FRMD4A: variants seen among roughly 807,000 people sequenced by gnomAD.
FRMD4A encodes FERM domain containing 4A.
In FRMD4A, 29 loss-of-function variants were observed where a neutral mutation model predicts 129.1. The observed-to-expected ratio is 0.22, with a 90% CI of 0.17 to 0.31. The LOEUF is 0.31. Among genes scored for constraint, FRMD4A ranks in the 10% least tolerant of loss-of-function variants. The probability of loss-of-function intolerance (pLI) is 1.00; values close to 1 mark genes in which losing one functional copy is unlikely to be tolerated. For missense variants in FRMD4A, 1,272 were observed against 1,375.8 expected, an observed-to-expected ratio of 0.92 and a Z score of 1.19; for synonymous variants, 634 against 571.6, an observed-to-expected ratio of 1.11 and a Z score of -1.56.
intron 2 of FRMD4A, among the ~76,000 whole-genome samples, chr10:14,270,690 T>C (rs1459498933): frequency 6.6e-6 from 1 of 152,212 alleles, no homozygotes; most frequent in African/African-American, 2.4e-5. Flanking sequence ...ACCCTGTGAA[T>C]AGGCTCTTGG....
intron 2 of FRMD4A, among the ~76,000 whole-genome samples, chr10:14,107,899 A>C (rs753767774): frequency 3.9e-5 from 6 of 152,228 alleles, no homozygotes; most frequent in Admixed American, 6.5e-5. Context: ...TATGATAAAT[A>C]ATGCTGCAAA....
intron 2 of FRMD4A, among the ~76,000 whole-genome samples, chr10:14,029,165 A>G (rs190965843): frequency 6.6e-6 from 1 of 152,176 alleles, no homozygotes; most frequent in East Asian, 1.9e-4. Flanking sequence ...TGAACCTCAG[A>G]TGATCATCTC....
At chr10:14,111,945 A>AAGGG (rs1554761667) in intron 2 of FRMD4A, among the ~76,000 whole-genome samples, 5 of 131,190 alleles carry the variant, frequency 3.8e-5, no homozygotes, top group East Asian at 2.4e-4. Flanking sequence ...GGAAGGAAGG[A>AAGGG]AGGGAGGGAG....
In FRMD4A at chr10:13,644,532, C is replaced by G. The variant is rs1040615236; in HGVS notation, c.*2506G>C. 3.3e-5 allele frequency: 5 copies of G among 152,298 alleles called. No individual in the cohort carries two copies. The highest frequency in any genetic ancestry group is 1.2e-4 in the African/African-American group (5 of 41,554). 9.4% of individuals were successfully genotyped at this position (152,298 alleles called of 1,614,324 possible). ...CCTGCTCTCCATTTCTCTCTGTCCC[C>G]CAAGTTGAAAATATAACCCAAATCT... is the stretch of plus-strand genomic sequence containing the variant. On this transcript the variant is annotated 3_prime_UTR_variant, in exon 25 of 25. Coordinates refer to ENST00000357447, the MANE Select transcript of FRMD4A (RefSeq NM_018027.5).
chr10:14,249,432 G>C (rs1844359319), intron 2 of FRMD4A, among the ~76,000 whole-genome samples: 1 of 152,028 alleles, frequency 6.6e-6, no homozygotes, highest in Non-Finnish European at 1.5e-5. Flanking sequence ...GTGAAATGAA[G>C]CTGGGGCCAG....
chr10:13,891,563 G>C (rs1159074596), intron 2 of FRMD4A: 3 of 979,424 alleles, frequency 3.1e-6, no homozygotes, highest in Non-Finnish European at 3.6e-6. Context: ...AAACACGGAA[G>C]GCGAAGGGCT....
Position 13,713,701 on chromosome 10 carries a change from TGC to T in FRMD4A, c.760-6590_760-6589del, listed in dbSNP as rs1417516679. 4.6e-5 allele frequency among the ~76,000 whole-genome samples: 7 copies of T among 150,768 alleles called. No homozygotes were observed. The East Asian group carries it at 1.4e-3, about 29-fold the overall frequency. On this transcript the variant is annotated intron_variant, in intron 12 of 24. Coordinates refer to ENST00000357447, the MANE Select transcript of FRMD4A (RefSeq NM_018027.5). ...TGCTCTCAGAGGACTGGATCCCATGTGCCCTGGTAAGGTTTTGCTATTGGAGC... is the reference window on the plus strand; with the variant it reads ...TGCTCTCAGAGGACTGGATCCCATGTCCTGGTAAGGTTTTGCTATTGGAGC...
At chr10:13,789,848 G>A (rs2092955791) in intron 5 of FRMD4A, among the ~76,000 whole-genome samples, 5 of 150,348 alleles carry the variant, frequency 3.3e-5, no homozygotes, top group African/African-American at 9.8e-5. Context: ...GGACAGTTAA[G>A]CAGAAGTCAC....
intron 2 of FRMD4A, among the ~76,000 whole-genome samples, chr10:14,279,338 C>T (rs183378715): frequency 1.3e-5 from 2 of 151,990 alleles, no homozygotes; most frequent in Non-Finnish European, 1.5e-5. Context: ...AGGTGCCCAC[C>T]ACCATATTTG....
intron 2 of FRMD4A, among the ~76,000 whole-genome samples, chr10:13,982,492 AGGGGAGGGGG>A (rs1269320641): frequency 0.018 from 64 of 3,536 alleles, no homozygotes; most frequent in Non-Finnish European, 0.017. Flanking sequence ...AGGGGAGGGG[AGGGGAGGGGG>A]GGGAAGGGAT....
chr10:13,810,077 C>T (rs2093419952), intron 4 of FRMD4A, among the ~76,000 whole-genome samples: 2 of 150,062 alleles, frequency 1.3e-5, no homozygotes, highest in Non-Finnish European at 1.5e-5. Context: ...ATCTGGAAGA[C>T]AGAGAGAGAG....
intron 2 of FRMD4A, among the ~76,000 whole-genome samples, chr10:14,321,660 G>A (rs1319549916): frequency 4.6e-5 from 7 of 152,264 alleles, no homozygotes; most frequent in Admixed American, 4.6e-4. Flanking sequence ...AGAGAAATTA[G>A]ACCTTTATTT....
rs566247305 is a variant in FRMD4A, at chr10:14,120,749, A to G, written c.45+209309T>C. Among the ~76,000 whole-genome samples the G allele has an allele frequency of 1.5e-4, 23 of 152,284 alleles. No homozygotes were observed. The South Asian group carries it at 4.8e-3, about 32-fold the overall frequency. ...CTGCTGCTTTGATTTTACGTGAGTG[A>G]GAAATAAACATCTATGACATGCAGA... On this transcript the variant is annotated intron_variant, in intron 2 of 24. Coordinates refer to ENST00000357447, the MANE Select transcript of FRMD4A (RefSeq NM_018027.5).
chr10:13,764,223 G>C (rs1407173297), intron 6 of FRMD4A, among the ~76,000 whole-genome samples: 5 of 148,560 alleles, frequency 3.4e-5, no homozygotes, highest in African/African-American at 7.4e-5. Context: ...GTGTGTGTAT[G>C]GTAAAAACAC....
rs10674411 is a variant in FRMD4A, at chr10:14,227,243, C to CTTTTTTTTTTTTTTTT, written c.45+102799_45+102814dup. Among the ~76,000 whole-genome samples, 8 of 64,130 alleles carry CTTTTTTTTTTTTTTTT rather than the reference C, an allele frequency of 1.2e-4. 2 individuals are homozygous for CTTTTTTTTTTTTTTTT. Among genetic ancestry groups the CTTTTTTTTTTTTTTTT allele is most frequent in the Non-Finnish European group, 2.2e-4 (8 of 36,888 alleles). 42.1% of individuals were successfully genotyped at this position (64,130 alleles called of 152,430 possible). A position where few individuals can be genotyped will look rare whatever the true frequency, so the allele number is the denominator to read the frequency against. On this transcript the variant is annotated intron_variant, in intron 2 of 24. Transcript: ENST00000357447. ...TCCTCCTCCTCCTTCTCTTCTTCTTCTTTTTTTTTTTTTTTTTTTTTTTTT... is the reference window on the plus strand; with the variant it reads ...TCCTCCTCCTCCTTCTCTTCTTCTTCTTTTTTTTTTTTTTTTTTTTTTTTTTTTTTTTTTTTTTTTT...
At chr10:13,797,054 GA>G (rs2093135456) in intron 4 of FRMD4A, among the ~76,000 whole-genome samples, 2 of 152,162 alleles carry the variant, frequency 1.3e-5, no homozygotes, top group Admixed American at 1.3e-4. Context: ...CAGTATTGAA[GA>G]ACCCAGTGGG....
intron 2 of FRMD4A, among the ~76,000 whole-genome samples, chr10:13,965,349 G>A (rs541564357): frequency 1.3e-5 from 2 of 152,286 alleles, no homozygotes; most frequent in South Asian, 4.2e-4. Context: ...GGTTTAAAAT[G>A]CCAACAGCCA....
chr10:14,330,274 A>G, intron 1 of FRMD4A, 91 bp from the exon 2 acceptor site: 1 of 629,320 alleles, frequency 1.6e-6, no homozygotes, highest in Admixed American at 2.3e-5. Context: ...GGAGGAGGTC[A>G]GGGAAGACAG....
chr10:14,291,796 A>T (rs553770063), intron 2 of FRMD4A, among the ~76,000 whole-genome samples: 1 of 151,874 alleles, frequency 6.6e-6, no homozygotes, highest in Non-Finnish European at 1.5e-5. Context: ...GCATAGTAAG[A>T]TAAAAAACTA....
Sources: allele counts gnomAD v4.1 joint callset (sites outside exome capture counted in the v4.1 genomes callset), GRCh38; gene constraint gnomAD v4.1.1; transcripts MANE v1.5; gene names NCBI Gene and HGNC (gene_info 2026-07-23, HGNC 2026-07-21).